The following WAPL variants were observed in gnomAD, a reference collection of about 807,000 sequenced individuals.
WAPL encodes WAPL cohesin release factor, also known as wings apart-like protein homolog.
A neutral mutation model predicts 121.0 loss-of-function variants in WAPL; 5 were observed. The observed-to-expected ratio is 0.04, with a 90% CI of 0.02 to 0.09. WAPL has a LOEUF of 0.09. Ranked by LOEUF, WAPL falls within the 10% of genes least tolerant of loss-of-function variation. The pLI, the probability that WAPL is intolerant of heterozygous loss-of-function variation, is 1.00. For synonymous variants in WAPL, 480 were observed against 481.5 expected (o/e 1.00, Z 0.04); for missense variants, 999 against 1,410.8 (o/e 0.71, Z 4.68).
At chr10:86,461,054 A>C in intron 10 of WAPL, 122 bp downstream of exon 10, 1 of 843,606 alleles carries the variant, frequency 1.2e-6, no homozygotes, top group East Asian at 2.8e-5. Context: ...GATGCAACTA[A>C]AAAATAATAA....
intron 14 of WAPL, 131 bp from the exon 15 acceptor site, chr10:86,452,262 A>G: frequency 2.4e-6 from 2 of 842,658 alleles, no homozygotes; most frequent in Non-Finnish European, 3.5e-6. Context: ...ATGGCTAAAA[A>G]CCAGTATGAA....
chr10:86,453,014 TC>T (rs1476209319), intron 14 of WAPL, among the ~76,000 whole-genome samples: 1 of 78,868 alleles, frequency 1.3e-5, no homozygotes. Context: ...AGACTCCATC[TC>T]CCAAAAAAAA....
Position 86,472,027 on chromosome 10 carries a change from C to T in WAPL, c.2030+181G>A, listed in dbSNP as rs546335649. 6.6e-6 allele frequency among the ~76,000 whole-genome samples: 1 copy of T among 152,094 alleles called. No individual in the cohort carries two copies. Among genetic ancestry groups the T allele is most frequent in the South Asian group, 2.1e-4 (1 of 4,810 alleles). The stretch of plus-strand genomic sequence containing the variant: ...AAAAGGCTCTCATCACCCAGCTTTC[C>T]CTCTTATCATGCAGAATCAAATTCT... On this transcript the variant is annotated intron_variant, in intron 7 of 18. Transcript: ENST00000298767. The surrounding 1 kb of genome is among the most constrained non-coding windows in gnomAD (Gnocchi z 4.2).
At chr10:86,471,302 T>C (rs1841528495) in intron 7 of WAPL, among the ~76,000 whole-genome samples, 199 bp from the exon 8 acceptor site, 1 of 152,212 alleles carries the variant, frequency 6.6e-6, no homozygotes, top group Admixed American at 6.5e-5. Context: ...AGGTACACTG[T>C]ATTTTAAAAA....
At chr10:86,501,350 G>T (rs1476994213) in intron 2 of WAPL, among the ~76,000 whole-genome samples, 1 of 152,148 alleles carries the variant, frequency 6.6e-6, no homozygotes, top group South Asian at 2.1e-4. Flanking sequence ...ATGCATATCA[G>T]CCAGTAATAA....
Position 86,515,185 on chromosome 10 carries a change from C to T in WAPL, c.499+2386G>A, listed in dbSNP as rs185787808. 3.3e-5 allele frequency among the ~76,000 whole-genome samples: 5 copies of T among 150,916 alleles called. No homozygotes were observed. In the South Asian group the frequency reaches 6.3e-4, roughly 19 times the overall value. ...CTGGGGCAGGAGAATTGCTTGAACC[C>T]GAGAGGCGGAGGTTGCAGTGAGCCA... is the stretch of plus-strand genomic sequence containing the variant. On this transcript the variant is annotated intron_variant, in intron 2 of 18. Coordinates refer to ENST00000298767, the MANE Select transcript of WAPL (RefSeq NM_015045.5).
At chr10:86,442,527 C>T (rs1171015691) in intron 17 of WAPL, among the ~76,000 whole-genome samples, 3 of 152,094 alleles carry the variant, frequency 2.0e-5, no homozygotes, top group Non-Finnish European at 2.9e-5. Context: ...CTTTAACAGC[C>T]TAACTCTGAC....
chr10:86,499,838 A>G lies in WAPL; in HGVS notation c.1405T>C (p.Cys469Arg). ...SESEDDEDDD[C>R]QVERKTSKKR... ...TTGCTTGTCTTTCTTTCTACTTGAC[A>G]GTCATCATCTTCATCATCTTCGCTT... Residue 469 changes from cysteine to arginine, a missense_variant, in exon 3 of 19, where the codon TGT becomes CGT. Coordinates refer to ENST00000298767, the MANE Select transcript of WAPL (RefSeq NM_015045.5). 4 of 1,613,952 alleles carry G rather than the reference A, an allele frequency of 2.5e-6. No homozygotes were observed. Among genetic ancestry groups the G allele is most frequent in the Non-Finnish European group, 3.4e-6 (4 of 1,179,976 alleles).
At chr10:86,519,720 C>A (rs11202055) in intron 1 of WAPL, among the ~76,000 whole-genome samples, 3,120 of 152,246 alleles carry the variant, frequency 0.02, 122 homozygotes, top group African/African-American at 0.071. Flanking sequence ...AAAATCGATT[C>A]TCTGTTCCTT....
intron 2 of WAPL, among the ~76,000 whole-genome samples, chr10:86,502,979 G>A (rs996885662): frequency 6.6e-6 from 1 of 151,650 alleles, no homozygotes; most frequent in Non-Finnish European, 1.5e-5. Flanking sequence ...CCAACATGGT[G>A]AAACCCTGTC....
rs1849292505 is a variant in WAPL, at chr10:86,435,348, C to T, written c.*2195G>A. On this transcript the variant is annotated 3_prime_UTR_variant, in exon 19 of 19. Transcript: ENST00000298767. ...AACTGGTACAAACTATTTTTTCCTG[C>T]CGTTGGCTTTTGCTCCAAAGATCAC... The T allele has an allele frequency of 6.6e-6, 1 of 152,484 alleles. No individual in the cohort carries two copies. Among genetic ancestry groups the T allele is most frequent in the African/African-American group, 2.4e-5 (1 of 41,408 alleles). The allele number at this position is 152,484 out of a possible 1,614,324, so 9.4% of individuals were successfully genotyped here. A position where few individuals can be genotyped will look rare whatever the true frequency, so the allele number is the denominator to read the frequency against.
chr10:86,492,786 G>C (rs1216572706), intron 4 of WAPL, among the ~76,000 whole-genome samples: 2 of 152,198 alleles, frequency 1.3e-5, no homozygotes, highest in East Asian at 3.8e-4. Context: ...TCCGGGCGCG[G>C]TGGCTCACAC....
chr10:86,456,941 T>A (rs933772362), intron 12 of WAPL, among the ~76,000 whole-genome samples: 1 of 152,216 alleles, frequency 6.6e-6, no homozygotes, highest in Non-Finnish European at 1.5e-5. Flanking sequence ...TGACCTCTAC[T>A]GCCACTTCCA....
At chr10:86,492,620 C>T (rs1241709437) in intron 4 of WAPL, among the ~76,000 whole-genome samples, 1 of 152,078 alleles carries the variant, frequency 6.6e-6, no homozygotes, top group Non-Finnish European at 1.5e-5. Flanking sequence ...AAAAGTCTAA[C>T]CTGAATTTAA....
At chr10:86,452,572 A>AG (rs1323237802) in intron 14 of WAPL, among the ~76,000 whole-genome samples, 4 of 152,084 alleles carry the variant, frequency 2.6e-5, no homozygotes, top group Admixed American at 2.6e-4. Context: ...AGCCTGGGCA[A>AG]GAGAGTGAGT....
At chr10:86,462,874 T>C (rs1264401241) in intron 9 of WAPL, among the ~76,000 whole-genome samples, 1 of 152,194 alleles carries the variant, frequency 6.6e-6, no homozygotes, top group Non-Finnish European at 1.5e-5. Flanking sequence ...TCATGAGTCA[T>C]ACAGGCAAAG....
Position 86,517,548 on chromosome 10 carries a change from GAATA to G in WAPL, c.499+19_499+22del, listed in dbSNP as rs773138771. ...GGTTGCACAAAGCTCTCTTGGCGGA[GAATA>G]AAGAAAATCAAAACTTACCTGAAGT... On this transcript the variant is annotated intron_variant, in intron 2 of 18. Transcript: ENST00000298767. 1.9e-6 allele frequency: 3 copies of G among 1,580,400 alleles called. No homozygotes were observed. In the African/African-American group the frequency reaches 4.1e-5, roughly 21 times the overall value.
chr10:86,448,435 A>G (rs1438960586), intron 15 of WAPL, among the ~76,000 whole-genome samples: 1 of 152,182 alleles, frequency 6.6e-6, no homozygotes, highest in Non-Finnish European at 1.5e-5. Flanking sequence ...TGGGTAAAAG[A>G]GTGAGACCCT....
In WAPL at chr10:86,515,662, A is replaced by C. The variant is rs142253534; in HGVS notation, c.499+1909T>G. Reference sequence around the variant, plus strand: ...CTGGGCATGATGGCAGGTGCCTATAATCCCAGCTACTGGGGAGGCTGAGGT... The same window carrying C: ...CTGGGCATGATGGCAGGTGCCTATACTCCCAGCTACTGGGGAGGCTGAGGT... On this transcript the variant is annotated intron_variant, in intron 2 of 18. Coordinates refer to ENST00000298767, the MANE Select transcript of WAPL (RefSeq NM_015045.5). 5.4e-3 allele frequency among the ~76,000 whole-genome samples: 821 copies of C among 151,894 alleles called. 7 individuals carry two copies. Among genetic ancestry groups the C allele is most frequent in the African/African-American group, 0.019 (783 of 41,462 alleles).
Sources: gnomAD v4.1 joint callset for allele counts (sites outside exome capture counted in the v4.1 genomes callset) on GRCh38, gnomAD v4.1.1 for gene constraint, Gnocchi (gnomAD v3.1) non-coding constraint, MANE v1.5 for transcripts, NCBI Gene and HGNC (gene_info 2026-07-23, HGNC 2026-07-21) for gene names.